The following OTUD7A variants were observed in gnomAD, a reference collection of about 807,000 sequenced individuals.
OTUD7A encodes OTU domain-containing protein 7A.
Under a neutral mutation model 65.7 loss-of-function variants are expected in OTUD7A, and 12 were observed. That is an observed-to-expected ratio of 0.18 (90% CI 0.12 to 0.30). OTUD7A has a LOEUF of 0.30. Among genes scored for constraint, OTUD7A ranks in the 10% least tolerant of loss-of-function variants. OTUD7A has a pLI of 1.00. For missense variants in OTUD7A, 1,148 were observed against 1,304.8 expected, an observed-to-expected ratio of 0.88 and a Z score of 1.85; for synonymous variants, 641 against 586.3, an observed-to-expected ratio of 1.09 and a Z score of -1.35.
intron 1 of OTUD7A, among the ~76,000 whole-genome samples, chr15:31,698,460 T>C (rs1893134386): frequency 6.6e-6 from 1 of 152,182 alleles, no homozygotes; most frequent in Admixed American, 6.5e-5. Flanking sequence ...GCCCACAACA[T>C]CAGCATTGTT....
intron 3 of OTUD7A, among the ~76,000 whole-genome samples, chr15:31,579,056 A>G (rs1173960091): frequency 6.6e-6 from 1 of 152,226 alleles, no homozygotes; most frequent in Non-Finnish European, 1.5e-5. Context: ...AAAAGCCCCA[A>G]AGAGAATCAA....
chr15:31,686,568 A>G (rs1162726419), intron 1 of OTUD7A, among the ~76,000 whole-genome samples: 1 of 152,228 alleles, frequency 6.6e-6, no homozygotes, highest in Non-Finnish European at 1.5e-5. Flanking sequence ...ATCTCCAAGG[A>G]GCAGATCCAG....
chr15:31,491,462 C>T (rs1462070550), intron 10 of OTUD7A, among the ~76,000 whole-genome samples: 1 of 152,068 alleles, frequency 6.6e-6, no homozygotes, highest in Non-Finnish European at 1.5e-5. Context: ...ATGACACAAA[C>T]TGAAACAGAA....
chr15:31,519,118 CTGTG>C (rs56265620), intron 8 of OTUD7A, among the ~76,000 whole-genome samples: 27,763 of 151,094 alleles, frequency 0.18, 2,963 homozygotes, highest in East Asian at 0.37. Flanking sequence ...TAGCACTGTG[CTGTG>C]TGTGTGTGTG....
intron 5 of OTUD7A, among the ~76,000 whole-genome samples, chr15:31,550,036 G>T (rs1430232235): frequency 6.6e-6 from 1 of 150,798 alleles, no homozygotes; most frequent in African/African-American, 2.5e-5. Context: ...GAAGGTGGAG[G>T]TTGCACTGAG....
intron 3 of OTUD7A, among the ~76,000 whole-genome samples, chr15:31,620,345 C>T (rs531017630): frequency 5.3e-5 from 8 of 152,232 alleles, no homozygotes; most frequent in South Asian, 2.1e-4. Context: ...AGGAATGGTA[C>T]CAGCTCCTCC....
chr15:31,483,452 T>C lies in OTUD7A; in HGVS notation c.2644A>G (p.Asn882Asp), dbSNP rs1052234423. The change falls in exon 13 of 13, where the codon AAC (asparagine) becomes GAC (aspartate). Residue 882 changes from asparagine to aspartate, a missense_variant. Asn to Asp is a conservative substitution (Grantham distance 23). This residue lies in a region of OTUD7A where 842 missense variants were observed against 769.5 expected (regional missense o/e 1.09). Transcript: ENST00000307050. ...ADADAPTARS[N>D]GECGRGGPGP... ...GGGCCGCCACGGCCGCACTCACCGT[T>C]CGAGCGCGCGGTCGGCGCGTCGGCG... is the stretch of plus-strand genomic sequence containing the variant. The C allele has an allele frequency of 2.9e-6, 4 of 1,380,048 alleles. No individual in the cohort carries two copies. Among genetic ancestry groups the C allele is most frequent in the Non-Finnish European group, 3.7e-6 (4 of 1,067,452 alleles). The allele number at this position is 1,380,048 out of a possible 1,614,324, so 85.5% of individuals were successfully genotyped here.
intron 1 of OTUD7A, among the ~76,000 whole-genome samples, chr15:31,827,491 G>A (rs1896826393): frequency 6.6e-6 from 1 of 152,212 alleles, no homozygotes; most frequent in Non-Finnish European, 1.5e-5. Flanking sequence ...TGAGATTTGG[G>A]TGGGGACACA....
chr15:31,788,315 A>G (rs1250039216), intron 1 of OTUD7A, among the ~76,000 whole-genome samples: 1 of 152,220 alleles, frequency 6.6e-6, no homozygotes, highest in Non-Finnish European at 1.5e-5. Context: ...ACAAGTTAGC[A>G]TAAGCAAACA....
chr15:31,719,221 G>T (rs1437155556), intron 1 of OTUD7A, among the ~76,000 whole-genome samples: 1 of 152,126 alleles, frequency 6.6e-6, no homozygotes, highest in Admixed American at 6.5e-5. Context: ...GGGATCACAG[G>T]CGTGCACCAC....
Position 31,499,887 on chromosome 15 carries a change from C to T in OTUD7A, c.1171+1803G>A, listed in dbSNP as rs559645444. On this transcript the variant is annotated intron_variant, in intron 10 of 12. Coordinates refer to ENST00000307050, the MANE Select transcript of OTUD7A (RefSeq NM_001382637.1). ...TGAAACCACCCACAACTCTGCAAGG[C>T]CCTCCTGAAAGGTCCCAAGCCACAG... is the stretch of plus-strand genomic sequence containing the variant. Among the ~76,000 whole-genome samples the T allele has an allele frequency of 4.6e-5, 7 of 152,346 alleles. 1 individual carries two copies. The highest frequency in any genetic ancestry group is 1.7e-4 in the African/African-American group (7 of 41,588).
intron 5 of OTUD7A, among the ~76,000 whole-genome samples, chr15:31,532,046 T>C (rs1887641127): frequency 2.6e-5 from 4 of 152,208 alleles, no homozygotes; most frequent in Non-Finnish European, 2.9e-5. Context: ...CAGAGTGGTG[T>C]CAGGAGGTCC....
At chr15:31,785,859 G>A (rs1025366614) in intron 1 of OTUD7A, among the ~76,000 whole-genome samples, 9 of 152,156 alleles carry the variant, frequency 5.9e-5, no homozygotes, top group South Asian at 2.1e-4. Flanking sequence ...AATAGTACAT[G>A]TAAACACACA....
rs2041166405 is a variant in OTUD7A, at chr15:31,483,404, G to A, written c.2692C>T (p.Gln898Ter). 9 of 1,350,648 alleles carry A rather than the reference G, an allele frequency of 6.7e-6. No individual in the cohort carries two copies. Among genetic ancestry groups the A allele is most frequent in the African/African-American group, 1.6e-5 (1 of 64,114 alleles). The allele number at this position is 1,350,648 out of a possible 1,614,324, so 83.7% of individuals were successfully genotyped here. Residue 898 changes from glutamine to a stop codon, truncating the protein, a stop_gained, in exon 13 of 13, where the codon CAG becomes TAG. Coordinates refer to ENST00000307050, the MANE Select transcript of OTUD7A (RefSeq NM_001382637.1). LOFTEE classifies it high-confidence loss of function. ...CCGTAGAACGCACAGTTCTCGCGCT[G>A]GCAGCGCCGCTGCACCGGCCCCGGG... is the stretch of plus-strand genomic sequence containing the variant. ...GGPGPVQRRC[Q>*]RENCAFYGRA...
Position 31,476,490 on chromosome 15 carries a change from G to C in OTUD7A, c.*6804C>G, listed in dbSNP as rs1307375457. The C allele has an allele frequency of 6.6e-6, 1 of 152,360 alleles. No individual in the cohort carries two copies. Among genetic ancestry groups the C allele is most frequent in the African/African-American group, 2.4e-5 (1 of 41,478 alleles). The allele number at this position is 152,360 out of a possible 1,614,324, so 9.4% of individuals were successfully genotyped here. A position where few individuals can be genotyped will look rare whatever the true frequency, so the allele number is the denominator to read the frequency against. ...CATGGAGAAAGTTTGCATGGGCCAA[G>C]GGGGCAGGCTCTTGGGAAGCACACA... On this transcript the variant is annotated 3_prime_UTR_variant, in exon 13 of 13. Coordinates refer to ENST00000307050, the MANE Select transcript of OTUD7A (RefSeq NM_001382637.1).
chr15:31,549,461 G>A (rs1165683179), intron 5 of OTUD7A, among the ~76,000 whole-genome samples: 3 of 152,150 alleles, frequency 2.0e-5, no homozygotes, highest in African/African-American at 4.8e-5. Context: ...TGACTCCGAC[G>A]GGATGTCACT....
chr15:31,510,589 ATG>A, intron 8 of OTUD7A, among the ~76,000 whole-genome samples: 1 of 77,470 alleles, frequency 1.3e-5, no homozygotes, highest in East Asian at 4.5e-4. Context: ...TAACATACAT[ATG>A]TATATCTATA....
intron 1 of OTUD7A, among the ~76,000 whole-genome samples, chr15:31,669,229 T>C (rs1179158744): frequency 4.3e-4 from 66 of 152,164 alleles, no homozygotes; most frequent in Non-Finnish European, 4.4e-5. Context: ...TTACATGCCA[T>C]TTATCTTCAG....
chr15:31,831,239 G>A (rs1896923157), intron 1 of OTUD7A, among the ~76,000 whole-genome samples: 1 of 152,074 alleles, frequency 6.6e-6, no homozygotes, highest in Admixed American at 6.5e-5. Context: ...CTTAGCATAG[G>A]CAAAAGTTTC....
Sources: allele counts gnomAD v4.1 joint callset (sites outside exome capture counted in the v4.1 genomes callset), GRCh38; gene constraint gnomAD v4.1.1; regional missense constraint gnomAD v4.1.1; transcripts MANE v1.5; gene names NCBI Gene and HGNC (gene_info 2026-07-23, HGNC 2026-07-21).